Variants in PRMT9 observed in about 807,000 individuals in gnomAD.
PRMT9 encodes the protein protein arginine N-methyltransferase 9.
PRMT9 carries 59 observed loss-of-function variants against 83.2 expected under a neutral mutation model. That is an observed-to-expected ratio of 0.71 (90% CI 0.57 to 0.88). PRMT9 has a LOEUF of 0.88. Among genes scored for constraint, PRMT9 ranks in the 40% least tolerant of loss-of-function variants. The probability of loss-of-function intolerance (pLI) is 0.00; values close to 1 mark genes in which losing one functional copy is unlikely to be tolerated. For missense variants in PRMT9, 947 were observed against 1,021.9 expected, an observed-to-expected ratio of 0.93 and a Z score of 1.00; for synonymous variants, 333 against 353.2, an observed-to-expected ratio of 0.94 and a Z score of 0.64.
At chr4:147,680,680 G>A (rs1387677823) in intron 1 of PRMT9, among the ~76,000 whole-genome samples, 1 of 152,148 alleles carries the variant, frequency 6.6e-6, no homozygotes, top group Non-Finnish European at 1.5e-5. Flanking sequence ...AGCAGAATTA[G>A]TCTGACCACT....
chr4:147,652,766 C>CT (rs1734201383), intron 9 of PRMT9, among the ~76,000 whole-genome samples: 1 of 149,998 alleles, frequency 6.7e-6, no homozygotes, highest in Non-Finnish European at 1.5e-5. Context: ...ATACTGAACT[C>CT]TCGTTGGTAG....
At chr4:147,662,793 T>C (rs910203239) in intron 6 of PRMT9, among the ~76,000 whole-genome samples, 3 of 151,834 alleles carry the variant, frequency 2.0e-5, no homozygotes, top group Admixed American at 1.3e-4. Context: ...AGCGAGACCC[T>C]GTCTCAAAAA....
At chr4:147,655,581 G>C (rs1734431732) in intron 8 of PRMT9, among the ~76,000 whole-genome samples, 1 of 152,086 alleles carries the variant, frequency 6.6e-6, no homozygotes, top group Non-Finnish European at 1.5e-5. Flanking sequence ...ACAGTGTCTT[G>C]CTTTGTTGCC....
intron 6 of PRMT9, among the ~76,000 whole-genome samples, chr4:147,666,834 A>G (rs551411187): frequency 4.0e-4 from 60 of 151,792 alleles, no homozygotes; most frequent in African/African-American, 1.3e-3. Flanking sequence ...AAAAAAAAAA[A>G]AAAAAAAAAA....
intron 6 of PRMT9, among the ~76,000 whole-genome samples, chr4:147,667,251 G>A (rs1208666799): frequency 6.6e-6 from 1 of 152,142 alleles, no homozygotes; most frequent in African/African-American, 2.4e-5. Flanking sequence ...CAAGACATAA[G>A]TGCAAAGATG....
chr4:147,673,889 G>A lies in PRMT9; in HGVS notation c.339-15C>T, dbSNP rs1735900344. On this transcript the variant is annotated splice_polypyrimidine_tract_variant and intron_variant, in intron 2 of 11. Transcript: ENST00000322396. The stretch of plus-strand genomic sequence containing the variant: ...TAAAGCCCATTCTAGAGTAAAAAAT[G>A]ACAAAAGACAAAATATATTCAACTA... 1 of 1,579,430 alleles carries A rather than the reference G, an allele frequency of 6.3e-7. No homozygotes were observed. The highest frequency in any genetic ancestry group is 8.7e-7 in the Non-Finnish European group (1 of 1,148,764).
chr4:147,668,623 C>A lies in PRMT9; in HGVS notation c.869G>T (p.Cys290Phe). ...TGGTATAACTTTCCCATACTTTTCACAATTAGCACTTTCACCTTTGGTCTA... is the reference window on the plus strand; with the variant it reads ...TGGTATAACTTTCCCATACTTTTCAAAATTAGCACTTTCACCTTTGGTCTA... ...QPKTKGESAN[C>F]EKYGKVIPAS... The change falls in exon 6 of 12, where the codon TGT becomes TTT. Residue 290 changes from cysteine (C) to phenylalanine (F), a missense_variant. Transcript: ENST00000322396. The A allele has an allele frequency of 6.2e-7, 1 of 1,609,856 alleles. No individual in the cohort carries two copies.
At chr4:147,664,239 T>A (rs1735166855) in intron 6 of PRMT9, among the ~76,000 whole-genome samples, 1 of 152,068 alleles carries the variant, frequency 6.6e-6, no homozygotes. Flanking sequence ...GCTTGGGAGG[T>A]CAAGACTGCA....
intron 3 of PRMT9, 108 bp downstream of exon 3, chr4:147,673,530 T>G: frequency 7.4e-6 from 6 of 815,190 alleles, no homozygotes; most frequent in Non-Finnish European, 1.3e-5. Context: ...CCTAACAAGA[T>G]TATAAGAAAT....
At chr4:147,680,073 G>A (rs1736364237) in intron 2 of PRMT9, among the ~76,000 whole-genome samples, 1 of 152,110 alleles carries the variant, frequency 6.6e-6, no homozygotes, top group Admixed American at 6.5e-5. Context: ...CTCCAATAAG[G>A]GGTGGCACTC....
At chr4:147,672,027 T>A in intron 4 of PRMT9, 1 of 379,422 alleles carries the variant, frequency 2.6e-6, no homozygotes, top group Non-Finnish European at 5.2e-6. Context: ...AGAAAATAAA[T>A]GCCTATTGTT....
intron 6 of PRMT9, among the ~76,000 whole-genome samples, chr4:147,665,902 T>C (rs1735297940): frequency 6.6e-6 from 1 of 152,228 alleles, no homozygotes; most frequent in African/African-American, 2.4e-5. Context: ...TACAGTATTA[T>C]AGTGAACATC....
intron 7 of PRMT9, among the ~76,000 whole-genome samples, chr4:147,660,009 T>G (rs1298314729): frequency 1.3e-5 from 2 of 152,222 alleles, no homozygotes; most frequent in African/African-American, 4.8e-5. Context: ...TGGAACCCCC[T>G]TCAGTCCTGG....
chr4:147,673,653 C>T lies in PRMT9; in HGVS notation c.560G>A (p.Gly187Glu), dbSNP rs772975407. 6.2e-7 allele frequency: 1 copy of T among 1,606,712 alleles called. No homozygotes were observed. The highest frequency in any genetic ancestry group is 1.3e-5 in the African/African-American group (1 of 74,840). The change falls in exon 3 of 12, where the codon GGA becomes GAA. Residue 187 changes from glycine (G) to glutamate (E), a missense_variant. Coordinates refer to ENST00000322396, the MANE Select transcript of PRMT9 (RefSeq NM_138364.4). Reference protein sequence around the residue: ...GSKSVLDIGAGTGILSMFAKK... With the variant: ...GSKSVLDIGAETGILSMFAKK... ...TACTACCAACCTTAGTATTCCAGTTCCTGCTCCAATGTCCAAAACACTTTT... is the reference window on the plus strand; with the variant it reads ...TACTACCAACCTTAGTATTCCAGTTTCTGCTCCAATGTCCAAAACACTTTT...
Position 147,638,668 on chromosome 4 carries a change from T to C in PRMT9, c.2402A>G (p.Asp801Gly). Residue 801 changes from aspartate to glycine, a missense_variant, in exon 12 of 12, where the codon GAT (aspartate) becomes GGT (glycine). Transcript: ENST00000322396. ...CCAGTGGGAGGCTTCACTTGAAGTA[T>C]CCAACCTAATCTCTTCATCAAGGTA... is the stretch of plus-strand genomic sequence containing the variant. ...HMYLDEEIRL[D>G]TSSEASHWKQ... 2 of 1,613,690 alleles carry C rather than the reference T, an allele frequency of 1.2e-6. No homozygotes were observed. The highest frequency in any genetic ancestry group is 1.7e-6 in the Non-Finnish European group (2 of 1,179,662).
intron 9 of PRMT9, among the ~76,000 whole-genome samples, chr4:147,651,846 C>A (rs1194713212): frequency 6.6e-6 from 1 of 152,076 alleles, no homozygotes; most frequent in African/African-American, 2.4e-5. Flanking sequence ...GGGAAATTGT[C>A]ATTTATTCAG....
At chr4:147,643,338 A>T (rs1219390744) in intron 9 of PRMT9, among the ~76,000 whole-genome samples, 1 of 152,180 alleles carries the variant, frequency 6.6e-6, no homozygotes, top group Non-Finnish European at 1.5e-5. Flanking sequence ...AGTAACTAAG[A>T]ATCATGATAA....
chr4:147,646,315 T>C (rs1450799674), intron 9 of PRMT9, among the ~76,000 whole-genome samples: 1 of 152,168 alleles, frequency 6.6e-6, no homozygotes, highest in African/African-American at 2.4e-5. Flanking sequence ...AAGGAGAGAC[T>C]AGCCACAGAA....
intron 10 of PRMT9, 83 bp downstream of exon 10, chr4:147,642,704 G>T: frequency 8.5e-7 from 1 of 1,182,566 alleles, no homozygotes; most frequent in Non-Finnish European, 1.3e-6. Context: ...ACTGTGTTTA[G>T]CTAGATTAAA....
Sources: gnomAD v4.1 joint callset for allele counts (sites outside exome capture counted in the v4.1 genomes callset) on GRCh38, gnomAD v4.1.1 for gene constraint, MANE v1.5 for transcripts, NCBI Gene and HGNC (gene_info 2026-07-23, HGNC 2026-07-21) for gene names.